Variants in ZNF512 observed in about 807,000 individuals in gnomAD.
ZNF512 encodes zinc finger protein 512.
Under a neutral mutation model 77.5 loss-of-function variants are expected in ZNF512, and 25 were observed. The ratio of observed to expected loss-of-function variants is 0.32; its 90% CI spans 0.23 to 0.45. ZNF512 has a LOEUF of 0.45. Ranked by LOEUF, ZNF512 falls within the 20% of genes least tolerant of loss-of-function variation. The pLI is 1.00. For missense variants in ZNF512, 483 were observed against 692.6 expected (o/e 0.70, Z 3.40); for synonymous variants, 246 against 239.9 (o/e 1.03, Z -0.24).
chr2:27,611,160 C>T (rs749100721), intron 10 of ZNF512, among the ~76,000 whole-genome samples: 2 of 152,164 alleles, frequency 1.3e-5, no homozygotes, highest in Non-Finnish European at 2.9e-5. Flanking sequence ...GACTAGTTAG[C>T]AGAGTTTCCA....
rs145004046 is a variant in ZNF512, at chr2:27,607,911, G to A, written c.1003G>A (p.Gly335Arg). Residue 335 changes from glycine (G) to arginine (R), a missense_variant, in exon 10 of 14, where the codon GGG (glycine) becomes AGG (arginine). Transcript: ENST00000355467. The part of the protein sequence containing the change: ...LKEMNLESKS[G>R]GRVQRRSAKI... Reference sequence around the variant, plus strand: ...GGAGATGAACCTAGAGTCAAAGAGTGGGGGCCGAGTTCAGAGACGTTCTGC... The same window carrying A: ...GGAGATGAACCTAGAGTCAAAGAGTAGGGGCCGAGTTCAGAGACGTTCTGC... The A allele has an allele frequency of 8.7e-6, 14 of 1,614,092 alleles. No homozygotes were observed. The African/African-American group carries it at 1.9e-4, about 22-fold the overall frequency.
intron 9 of ZNF512, among the ~76,000 whole-genome samples, chr2:27,604,881 C>G (rs1007679916): frequency 6.6e-6 from 1 of 152,218 alleles, no homozygotes; most frequent in Non-Finnish European, 1.5e-5. Context: ...CTGGCAACCA[C>G]TGATTTATTT....
chr2:27,616,931 G>C (rs1485086701), intron 12 of ZNF512: 1 of 155,988 alleles, frequency 6.4e-6, no homozygotes, highest in Non-Finnish European at 1.4e-5. Context: ...CTCAGTTCAA[G>C]GCAACAAGGG....
intron 9 of ZNF512, among the ~76,000 whole-genome samples, chr2:27,603,590 A>AT (rs757868678): frequency 0.34 from 29,256 of 85,030 alleles, 3,942 homozygotes; most frequent in East Asian, 0.6. Flanking sequence ...GTGTGTGTAT[A>AT]TTTTTTTTTT....
intron 2 of ZNF512, among the ~76,000 whole-genome samples, chr2:27,592,667 C>CTTTTTTTTTTTTTTTT (rs139890307): frequency 4.9e-5 from 4 of 81,558 alleles, no homozygotes; most frequent in Admixed American, 1.8e-4. Flanking sequence ...CCATGTTTAC[C>CTTTTTTTTTTTTTTTT]TTTTTTTTTT....
intron 8 of ZNF512, 22 bp from the exon 9 acceptor site, chr2:27,603,118 T>A: frequency 6.2e-7 from 1 of 1,612,362 alleles, no homozygotes; most frequent in Non-Finnish European, 8.5e-7. Flanking sequence ...GATTATAGTT[T>A]AGGCTTCTCT....
intron 10 of ZNF512, among the ~76,000 whole-genome samples, chr2:27,611,077 T>A (rs1030273097): frequency 1.3e-5 from 2 of 152,190 alleles, no homozygotes; most frequent in Non-Finnish European, 2.9e-5. Context: ...TGTGCATCTT[T>A]CCACTGTTTC....
chr2:27,584,227 C>G (rs1671235837), intron 2 of ZNF512, among the ~76,000 whole-genome samples: 1 of 152,258 alleles, frequency 6.6e-6, no homozygotes, highest in Admixed American at 6.5e-5. Context: ...ACCAAAGACT[C>G]AGTGGTAATT....
intron 2 of ZNF512, among the ~76,000 whole-genome samples, chr2:27,592,715 G>T (rs1453124035): frequency 2.1e-5 from 2 of 93,908 alleles, no homozygotes; most frequent in Non-Finnish European, 4.0e-5. Flanking sequence ...ACAGAGTTTC[G>T]CTCTTGTTGC....
chr2:27,592,181 G>C (rs949597590), intron 2 of ZNF512, among the ~76,000 whole-genome samples: 1 of 150,606 alleles, frequency 6.6e-6, no homozygotes, highest in African/African-American at 2.4e-5. Flanking sequence ...AATAGAGGTA[G>C]GATTTTGCCA....
rs13382316 is a variant in ZNF512 at position 27,611,155 on chromosome 2, G to C, written c.1131+3116G>C. Among the ~76,000 whole-genome samples, 1,316 of 152,162 alleles carry C rather than the reference G, an allele frequency of 8.6e-3. 18 individuals are homozygous for C. Among genetic ancestry groups the C allele is most frequent in the African/African-American group, 0.029 (1,208 of 41,514 alleles). ...TTAATTTTGAAATAATTTTAGACTA[G>C]TTAGCAGAGTTTCCAAATGCTCTTC... On this transcript the variant is annotated intron_variant, in intron 10 of 13. Transcript: ENST00000355467.
chr2:27,601,481 C>CT (rs374245570), intron 7 of ZNF512, 39 bp downstream of exon 7: 40,638 of 1,139,970 alleles, frequency 0.036, 1 homozygote, highest in South Asian at 0.04. Flanking sequence ...GTTTGGATGT[C>CT]TTTTTTTTTT....
intron 9 of ZNF512, among the ~76,000 whole-genome samples, chr2:27,606,327 C>CT (rs1672358463): frequency 6.6e-6 from 1 of 150,626 alleles, no homozygotes; most frequent in Admixed American, 6.6e-5. Context: ...TTTTTTATAT[C>CT]TAAGAAATCT....
In ZNF512 at chr2:27,603,210, C is replaced by T. The variant is rs745559946; in HGVS notation, c.839C>T (p.Ala280Val). 2 of 1,614,144 alleles carry T rather than the reference C, an allele frequency of 1.2e-6. No homozygotes were observed. Among genetic ancestry groups the T allele is most frequent in the African/African-American group, 2.7e-5 (2 of 75,028 alleles). ...GTCAGAAAATGTGGCAAAGGGGCTGCAGAGCTGGAAAAGATGACCCTGAAA... is the reference window on the plus strand; with the variant it reads ...GTCAGAAAATGTGGCAAAGGGGCTGTAGAGCTGGAAAAGATGACCCTGAAA... ...YHVRKCGKGA[A>V]ELEKMTLKCH... The change falls in exon 9 of 14, where the codon GCA (alanine) becomes GTA (valine). Residue 280 changes from alanine to valine, a missense_variant. Around this residue, in one of 2 missense-constraint regions of ZNF512, gnomAD observed 324 missense variants for 525.0 expected, o/e 0.62. Coordinates refer to ENST00000355467, the MANE Select transcript of ZNF512 (RefSeq NM_032434.4).
At chr2:27,613,039 C>G (rs141778435) in intron 10 of ZNF512, among the ~76,000 whole-genome samples, 442 of 152,304 alleles carry the variant, frequency 2.9e-3, no homozygotes, top group African/African-American at 0.01. Context: ...CCTTTTCTTT[C>G]TACTGTGTTC....
intron 2 of ZNF512, among the ~76,000 whole-genome samples, chr2:27,596,599 T>C (rs1042016241): frequency 1.3e-5 from 2 of 152,352 alleles, no homozygotes; most frequent in Admixed American, 6.5e-5. Flanking sequence ...TCACCCCATT[T>C]GGGGCACTTC....
At position 27,598,184 on chromosome 2, in the gene ZNF512, A is replaced by T; in HGVS notation, c.207A>T (p.Ala69=). ...SSCEPVSDFP[A]SFRKSTYWMK... is the part of the protein sequence containing the mutation. ...GTGAACCAGTGAGTGATTTTCCAGC[A>T]TCTTTCCGAAAATCTACCTACTGGA... The change falls in exon 3 of 14, where the codon GCA becomes GCT. Residue 69 remains alanine (A), a synonymous_variant. Transcript: ENST00000355467. 1 of 1,614,160 alleles carries T rather than the reference A, an allele frequency of 6.2e-7. No individual in the cohort carries two copies. The highest frequency in any genetic ancestry group is 2.2e-5 in the East Asian group (1 of 44,882).
At position 27,621,755 on chromosome 2, in the gene ZNF512, G is replaced by C. The variant is rs981429158; in HGVS notation, c.*294G>C. On this transcript the variant is annotated 3_prime_UTR_variant, in exon 14 of 14. Coordinates refer to ENST00000355467, the MANE Select transcript of ZNF512 (RefSeq NM_032434.4). ...CTCCTCTTGCCCTGTACAAAACTAA[G>C]AAACCTCTTTGGTTGTCCTTTCCTT... 7 of 243,864 alleles carry C rather than the reference G, an allele frequency of 2.9e-5. No homozygotes were observed. Among genetic ancestry groups the C allele is most frequent in the Admixed American group, 2.0e-4 (4 of 20,012 alleles). The allele number at this position is 243,864 out of a possible 1,614,324, so 15.1% of individuals were successfully genotyped here.
rs1469293182 is a variant in ZNF512 at position 27,615,242 on chromosome 2, A to G, written c.1206A>G (p.Lys402=). Reference sequence around the variant, plus strand: ...ATAAATGGAAGACAGATATCAAGAAATATCATCGTATTCAGTGTCCTAACC... The same window carrying G: ...ATAAATGGAAGACAGATATCAAGAAGTATCATCGTATTCAGTGTCCTAACC... The part of the protein sequence containing the change: ...VLHKWKTDIK[K]YHRIQCPNQG... The change falls in exon 11 of 14, where the codon AAA becomes AAG. Residue 402 remains lysine (K), a synonymous_variant. Transcript: ENST00000355467. The G allele has an allele frequency of 2.4e-5, 38 of 1,605,282 alleles. No homozygotes were observed. The highest frequency in any genetic ancestry group is 3.2e-5 in the Non-Finnish European group (38 of 1,175,862).
Sources: allele counts gnomAD v4.1 joint callset (sites outside exome capture counted in the v4.1 genomes callset), GRCh38; gene constraint gnomAD v4.1.1; regional missense constraint gnomAD v4.1.1; transcripts MANE v1.5; gene names NCBI Gene and HGNC (gene_info 2026-07-23, HGNC 2026-07-21).